SRPK1: variants seen among roughly 807,000 people sequenced by gnomAD.
The protein encoded by SRPK1 is SFRS protein kinase 1.
Under a neutral mutation model 89.5 loss-of-function variants are expected in SRPK1, and 52 were observed. The observed-to-expected ratio is 0.58, with a 90% CI of 0.46 to 0.73. The LOEUF is 0.73. Among genes scored for constraint, SRPK1 ranks in the 30% least tolerant of loss-of-function variants. The pLI is 0.00. For missense variants in SRPK1, 603 were observed against 780.6 expected (o/e 0.77, Z 2.71); for synonymous variants, 255 against 270.2 (o/e 0.94, Z 0.55).
In SRPK1 at chr6:35,869,673, G is replaced by A. The variant is rs1769988340; in HGVS notation, c.1220C>T (p.Thr407Ile). The change falls in exon 11 of 16, where the codon ACA becomes ATA. Residue 407 changes from threonine to isoleucine, a missense_variant. Physicochemically the swap from Thr to Ile is moderately conservative, Grantham distance 89 (BLOSUM62 -1). Coordinates refer to ENST00000373825, the MANE Select transcript of SRPK1 (RefSeq NM_003137.5). ...FLSSQNGDSS[T>I]SQETDSCTPI... ...TGTACAAGAGTCTGTTTCTTGAGAT[G>A]TGCTGCTGTCTCCATTTTGGGAGCT... The A allele has an allele frequency of 6.2e-7, 1 of 1,613,874 alleles. No homozygotes were observed. The highest frequency in any genetic ancestry group is 8.5e-7 in the Non-Finnish European group (1 of 1,179,882).
intron 14 of SRPK1, among the ~76,000 whole-genome samples, chr6:35,839,442 T>C (rs1233217846): frequency 1.3e-5 from 2 of 152,256 alleles, no homozygotes; most frequent in Non-Finnish European, 2.9e-5. Context: ...CTAAAGCTTT[T>C]AATTTCTTCC....
chr6:35,836,298 A>G (rs1293695200), intron 15 of SRPK1, among the ~76,000 whole-genome samples: 1 of 148,976 alleles, frequency 6.7e-6, no homozygotes, highest in African/African-American at 2.5e-5. Flanking sequence ...CAACCCCCCC[A>G]TCCATTGAAA....
At chr6:35,873,346 T>C (rs1770074955) in intron 7 of SRPK1, among the ~76,000 whole-genome samples, 1 of 152,238 alleles carries the variant, frequency 6.6e-6, no homozygotes, top group South Asian at 2.1e-4. Flanking sequence ...AGGGCTCCAA[T>C]GTTCCCAAGT....
chr6:35,895,341 T>C (rs190521257), intron 2 of SRPK1, among the ~76,000 whole-genome samples: 161 of 152,126 alleles, frequency 1.1e-3, no homozygotes, highest in Non-Finnish European at 1.9e-3. Flanking sequence ...TAGGGGCCAG[T>C]TGGGAGAGAA....
At chr6:35,868,940 A>G in intron 12 of SRPK1, 70 bp downstream of exon 12, 1 of 1,239,534 alleles carries the variant, frequency 8.1e-7, no homozygotes, top group South Asian at 1.4e-5. Flanking sequence ...GATGTTTTGC[A>G]TAACTAAGTC....
chr6:35,842,639 A>T, intron 13 of SRPK1, 35 bp from the exon 14 acceptor site: 1 of 1,548,174 alleles, frequency 6.5e-7, no homozygotes. Context: ...TGAAAGCACA[A>T]AAGAAAAGAA....
At chr6:35,842,970 C>G (rs79707462) in intron 13 of SRPK1, among the ~76,000 whole-genome samples, 1 of 136,400 alleles carries the variant, frequency 7.3e-6, no homozygotes, top group Non-Finnish European at 1.6e-5. Context: ...AAGAACAGGT[C>G]TTTTTTTTTT....
intron 2 of SRPK1, among the ~76,000 whole-genome samples, chr6:35,910,980 G>C (rs959672521): frequency 2.2e-4 from 33 of 152,326 alleles, no homozygotes; most frequent in African/African-American, 6.7e-4. Context: ...TGATGGGAAT[G>C]TACAAAGAGA....
At chr6:35,883,338 G>A (rs1490024581) in intron 6 of SRPK1, among the ~76,000 whole-genome samples, 1 of 152,034 alleles carries the variant, frequency 6.6e-6, no homozygotes, top group Non-Finnish European at 1.5e-5. Context: ...GCAGTGAGCC[G>A]AGATTGCGCC....
intron 6 of SRPK1, among the ~76,000 whole-genome samples, chr6:35,882,955 C>G (rs1770326892): frequency 6.6e-6 from 1 of 152,050 alleles, no homozygotes; most frequent in South Asian, 2.1e-4. Context: ...ATTACAGGCA[C>G]GTGCCACCAC....
intron 2 of SRPK1, among the ~76,000 whole-genome samples, chr6:35,892,690 G>A (rs200715464): frequency 0.29 from 34,576 of 118,374 alleles, 4,241 homozygotes; most frequent in South Asian, 0.39. Context: ...CAACAACAAC[G>A]ACAACAACAC....
At chr6:35,908,869 G>C (rs780699349) in intron 2 of SRPK1, among the ~76,000 whole-genome samples, 3 of 152,242 alleles carry the variant, frequency 2.0e-5, no homozygotes, top group Non-Finnish European at 4.4e-5. Context: ...CAAGCCCCAA[G>C]CCTTGGCAGC....
intron 15 of SRPK1, among the ~76,000 whole-genome samples, chr6:35,836,224 T>C (rs1037437763): frequency 1.3e-5 from 2 of 152,078 alleles, no homozygotes; most frequent in African/African-American, 4.8e-5. Context: ...AGGTTGCATG[T>C]TCCATAAAAG....
chr6:35,887,554 G>A (rs1487128322), intron 5 of SRPK1, among the ~76,000 whole-genome samples: 1 of 151,956 alleles, frequency 6.6e-6, no homozygotes, highest in African/African-American at 2.4e-5. Context: ...ATTTAAAACA[G>A]AACTAAAAAT....
intron 2 of SRPK1, among the ~76,000 whole-genome samples, chr6:35,919,378 C>G (rs892951735): frequency 1.3e-5 from 2 of 152,170 alleles, no homozygotes; most frequent in African/African-American, 2.4e-5. Context: ...CCCTACACCC[C>G]CCTAATCTGG....
At chr6:35,880,754 A>G (rs1770266632) in intron 6 of SRPK1, among the ~76,000 whole-genome samples, 1 of 132,704 alleles carries the variant, frequency 7.5e-6, no homozygotes, top group African/African-American at 2.8e-5. Context: ...AAAAAAAGAA[A>G]AGAAAAGAAG....
rs529220006 is a variant in SRPK1, at chr6:35,888,120, C to A, written c.303-9G>T. ...CCACAAATTTCTTCCCCCTAAGAAA[C>A]AAACACAGGCAATTAAGACTACATA... On this transcript the variant is annotated splice_polypyrimidine_tract_variant and intron_variant, in intron 4 of 15. Transcript: ENST00000373825. 213 of 1,592,544 alleles carry A rather than the reference C, an allele frequency of 1.3e-4. 2 individuals carry two copies. In the South Asian group the frequency reaches 2.2e-3, roughly 17 times the overall value.
chr6:35,889,058 C>T (rs1770465936), intron 3 of SRPK1, 135 bp from the exon 4 acceptor site: 1 of 562,750 alleles, frequency 1.8e-6, no homozygotes, highest in Admixed American at 3.0e-5. Flanking sequence ...ACAATCAATT[C>T]AACAGAAGAA....
intron 12 of SRPK1, among the ~76,000 whole-genome samples, chr6:35,861,342 C>CTA (rs1769778614): frequency 6.6e-6 from 1 of 152,198 alleles, no homozygotes; most frequent in African/African-American, 2.4e-5. Context: ...GCAGAACTGC[C>CTA]TAAAGATTGG....
Sources: gnomAD v4.1 joint callset for allele counts (sites outside exome capture counted in the v4.1 genomes callset) on GRCh38, gnomAD v4.1.1 for gene constraint, MANE v1.5 for transcripts, NCBI Gene and HGNC (gene_info 2026-07-23, HGNC 2026-07-21) for gene names.